The following WDR59 variants were observed in gnomAD, a reference collection of about 807,000 sequenced individuals.
The protein encoded by WDR59 is GATOR2 complex protein WDR59.
In WDR59, 100 loss-of-function variants were observed where a neutral mutation model predicts 131.2. The observed-to-expected ratio is 0.76, with a 90% CI of 0.65 to 0.90. WDR59 has a LOEUF of 0.90. WDR59 is among the 40% of genes least tolerant of loss of function. The probability of loss-of-function intolerance (pLI) is 0.00; values close to 1 mark genes in which losing one functional copy is unlikely to be tolerated. For synonymous variants in WDR59, 601 were observed against 466.2 expected, an observed-to-expected ratio of 1.29 and a Z score of -3.72; for missense variants, 1,203 against 1,262.2, an observed-to-expected ratio of 0.95 and a Z score of 0.71.
chr16:74,981,655 T>C (rs1207664551), intron 1 of WDR59, among the ~76,000 whole-genome samples: 41 of 8,190 alleles, frequency 5.0e-3, no homozygotes, highest in Non-Finnish European at 0.012. Context: ...TATATATATA[T>C]ATATATTTTT....
chr16:74,909,841 G>C lies in WDR59; in HGVS notation c.1466C>G (p.Ser489Cys). The change falls in exon 15 of 26, where the codon TCC becomes TGC. Residue 489 changes from serine (S) to cysteine (C), a missense_variant. Transcript: ENST00000262144. Reference protein sequence around the residue: ...CLEPCLRQLVSCLESFVNQED... With the variant: ...CLEPCLRQLVCCLESFVNQED... ...TCCCACCACAAAGGACTCAAGGCAG[G>C]AGACGAGCTGGCGCAGGCAGGGCTC... 1 of 1,612,654 alleles carries C rather than the reference G, an allele frequency of 6.2e-7. No individual in the cohort carries two copies. The highest frequency in any genetic ancestry group is 8.5e-7 in the Non-Finnish European group (1 of 1,180,014).
intron 10 of WDR59, 131 bp from the exon 11 acceptor site, chr16:74,918,139 C>A (rs1966484023): frequency 1.2e-6 from 1 of 800,326 alleles, no homozygotes; most frequent in Admixed American, 2.2e-5. Flanking sequence ...ATGCCAGGCA[C>A]TATTCTAGGT....
At chr16:74,912,519 G>C (rs1788876646) in intron 13 of WDR59, among the ~76,000 whole-genome samples, 157 bp from the exon 14 acceptor site, 1 of 152,082 alleles carries the variant, frequency 6.6e-6, no homozygotes, top group Admixed American at 6.5e-5. Flanking sequence ...TTTTCAAAAA[G>C]ATTCTTAAAT....
intron 25 of WDR59, among the ~76,000 whole-genome samples, chr16:74,880,220 G>A (rs984728132): frequency 4.6e-5 from 7 of 152,118 alleles, no homozygotes; most frequent in African/African-American, 1.7e-4. Context: ...GGCCGAGGCA[G>A]GAGGACCATG....
chr16:74,963,524 G>T (rs1389457598), intron 2 of WDR59, among the ~76,000 whole-genome samples: 1 of 151,560 alleles, frequency 6.6e-6, no homozygotes, highest in East Asian at 1.9e-4. Context: ...TCGCTTATAA[G>T]TGTGAGCTGA....
chr16:74,918,715 C>A (rs1301763776), intron 10 of WDR59, among the ~76,000 whole-genome samples: 2 of 152,222 alleles, frequency 1.3e-5, no homozygotes, highest in East Asian at 3.8e-4. Context: ...GAATCTCCTT[C>A]ATGGCCACCT....
Position 74,922,057 on chromosome 16 carries a change from C to A in WDR59, c.776G>T (p.Arg259Met). 1 of 1,614,192 alleles carries A rather than the reference C, an allele frequency of 6.2e-7. No homozygotes were observed. The highest frequency in any genetic ancestry group is 8.5e-7 in the Non-Finnish European group (1 of 1,180,030). The change falls in exon 10 of 26, where the codon AGG becomes ATG. Residue 259 changes from arginine to methionine, a missense_variant. By Grantham distance (91) the Arg-to-Met change is moderately conservative. Transcript: ENST00000262144. ...LVTVMVPQLR[R>M]ENSLLLWNVF... is the part of the protein sequence containing the mutation. ...ATTCCACAGGAGAAGGCTGTTTTCC[C>A]TCCGCAGCTGGGGAACCATCACAGT...
intron 6 of WDR59, among the ~76,000 whole-genome samples, chr16:74,947,196 C>G (rs911944906): frequency 1.3e-5 from 2 of 152,200 alleles, no homozygotes; most frequent in Non-Finnish European, 2.9e-5. Flanking sequence ...AGCCTATAAT[C>G]CCAGCACTTT....
intron 17 of WDR59, among the ~76,000 whole-genome samples, chr16:74,906,451 G>C (rs1305674813): frequency 6.6e-6 from 1 of 151,992 alleles, no homozygotes. Flanking sequence ...CAGGGTAAAT[G>C]GCACAACCAC....
chr16:74,966,684 G>A (rs536816274), intron 1 of WDR59, among the ~76,000 whole-genome samples: 12 of 152,210 alleles, frequency 7.9e-5, no homozygotes, highest in Admixed American at 6.6e-4. Flanking sequence ...CCATATGGCA[G>A]TTGGCAATAT....
Position 74,981,117 on chromosome 16 carries a change from G to A in WDR59, c.54+3847C>T, listed in dbSNP as rs369341626. On this transcript the variant is annotated intron_variant, in intron 1 of 25. Coordinates refer to ENST00000262144, the MANE Select transcript of WDR59 (RefSeq NM_030581.4). ...GCGGTGGCTCACGCCTGTAATCCCA[G>A]CACTTTGGGAGGCTGAGGCGGGCGG... Among the ~76,000 whole-genome samples, 23 of 151,804 alleles carry A rather than the reference G, an allele frequency of 1.5e-4. 3 individuals are homozygous for A. The highest frequency in any genetic ancestry group is 1.0e-3 in the South Asian group (5 of 4,800).
At chr16:74,918,318 A>C (rs1422819118) in intron 10 of WDR59, among the ~76,000 whole-genome samples, 1 of 152,236 alleles carries the variant, frequency 6.6e-6, no homozygotes, top group Non-Finnish European at 1.5e-5. Flanking sequence ...CAAGGAAATC[A>C]CATTTGAGCA....
rs766188649 is a variant in WDR59, at chr16:74,909,947, G to C, written c.1390-30C>G. ...AAAAGGCCCAAAACACAGTCAAGAA[G>C]AGGAACACATTTCTCTGATAGGTTT... On this transcript the variant is annotated intron_variant, in intron 14 of 25. Coordinates refer to ENST00000262144, the MANE Select transcript of WDR59 (RefSeq NM_030581.4). 11 of 1,513,926 alleles carry C rather than the reference G, an allele frequency of 7.3e-6. No individual in the cohort carries two copies. The East Asian group carries it at 2.5e-4, about 34-fold the overall frequency. The allele number at this position is 1,513,926 out of a possible 1,614,324, so 93.8% of individuals were successfully genotyped here.
At chr16:74,879,021 A>AT (rs1399086556) in intron 25 of WDR59, among the ~76,000 whole-genome samples, 1 of 152,200 alleles carries the variant, frequency 6.6e-6, no homozygotes, top group African/African-American at 2.4e-5. Context: ...TTCACTACTG[A>AT]TATTACTGAA....
chr16:74,984,959 C>T lies in WDR59; in HGVS notation c.54+5G>A. Reference sequence around the variant, plus strand: ...CCAGAGGGCTCCACTCGGCCTCTAGCTCACCTGGGAGTCACGGAACTCTAC... The same window carrying T: ...CCAGAGGGCTCCACTCGGCCTCTAGTTCACCTGGGAGTCACGGAACTCTAC... On this transcript the variant is annotated splice_donor_5th_base_variant and intron_variant, in intron 1 of 25. Coordinates refer to ENST00000262144, the MANE Select transcript of WDR59 (RefSeq NM_030581.4). 1 of 1,603,906 alleles carries T rather than the reference C, an allele frequency of 6.2e-7. No homozygotes were observed. Among genetic ancestry groups the T allele is most frequent in the Admixed American group, 1.7e-5 (1 of 58,636 alleles).
chr16:74,951,011 T>C, intron 4 of WDR59, among the ~76,000 whole-genome samples: 1 of 146,928 alleles, frequency 6.8e-6, no homozygotes, highest in Non-Finnish European at 1.5e-5. Flanking sequence ...AAAAAAAAAA[T>C]TAGCCGGGCG....
At position 74,908,938 on chromosome 16, in the gene WDR59, C is replaced by T. The variant is rs753696504; in HGVS notation, c.1682G>A (p.Arg561Gln). ...AGTAGGCTCTGTGGGAGACACCGCCCGATGCATTGTCATGGGCCTTGTGAA... is the reference window on the plus strand; with the variant it reads ...AGTAGGCTCTGTGGGAGACACCGCCTGATGCATTGTCATGGGCCTTGTGAA... ...VYFTRPMTMH[R>Q]AVSPTEPTPR... Residue 561 changes from arginine to glutamine, a missense_variant, in exon 17 of 26, where the codon CGG (arginine) becomes CAG (glutamine). Physicochemically the swap from Arg to Gln is conservative, Grantham distance 43. Coordinates refer to ENST00000262144, the MANE Select transcript of WDR59 (RefSeq NM_030581.4). The T allele has an allele frequency of 7.4e-6, 12 of 1,613,958 alleles. No individual in the cohort carries two copies. Among genetic ancestry groups the T allele is most frequent in the Admixed American group, 3.3e-5 (2 of 60,006 alleles).
intron 21 of WDR59, among the ~76,000 whole-genome samples, chr16:74,889,306 C>A (rs916957535): frequency 1.3e-5 from 2 of 151,764 alleles, no homozygotes; most frequent in Non-Finnish European, 2.9e-5. Context: ...GTGAAAGCGT[C>A]GTGGTCTTTG....
chr16:74,875,217 T>A (rs1330399420), intron 25 of WDR59, among the ~76,000 whole-genome samples: 1 of 152,230 alleles, frequency 6.6e-6, no homozygotes, highest in Non-Finnish European at 1.5e-5. Flanking sequence ...GGGCGGGGAC[T>A]GGTTCCACTG....
Sources: allele counts gnomAD v4.1 joint callset (sites outside exome capture counted in the v4.1 genomes callset), GRCh38; gene constraint gnomAD v4.1.1; transcripts MANE v1.5; gene names NCBI Gene and HGNC (gene_info 2026-07-23, HGNC 2026-07-21).